VPS13B: variants seen among roughly 807,000 people sequenced by gnomAD.
VPS13B encodes the protein intermembrane lipid transfer protein VPS13B.
Under a neutral mutation model 426.4 loss-of-function variants are expected in VPS13B, and 285 were observed. The observed-to-expected ratio is 0.67, with a 90% CI of 0.61 to 0.74. VPS13B has a LOEUF of 0.74. Among genes scored for constraint, VPS13B ranks in the 30% least tolerant of loss-of-function variants. The pLI, the probability that VPS13B is intolerant of heterozygous loss-of-function variation, is 0.00. For synonymous variants in VPS13B, 1,676 were observed against 1,676.4 expected (o/e 1.00, Z 0.01); for missense variants, 4,537 against 4,782.6 (o/e 0.95, Z 1.51).
At chr8:99,144,164 G>A (rs566566959) in intron 13 of VPS13B, among the ~76,000 whole-genome samples, 139 of 152,092 alleles carry the variant, frequency 9.1e-4, no homozygotes, top group Non-Finnish European at 1.7e-3. Flanking sequence ...CACCATGTCC[G>A]CCCTGGATCC....
Position 99,819,902 on chromosome 8 carries a change from G to A in VPS13B, c.8793-19G>A. On this transcript the variant is annotated intron_variant, in intron 48 of 61. Coordinates refer to ENST00000357162, the MANE Select transcript of VPS13B (RefSeq NM_152564.5). ...TTATCATATTTCATTGAGTCTCTTG[G>A]ATGTGGTTTTTGGAACAGGAATGAA... 6.2e-7 allele frequency: 1 copy of A among 1,613,368 alleles called. No individual in the cohort carries two copies. The highest frequency in any genetic ancestry group is 8.5e-7 in the Non-Finnish European group (1 of 1,179,422).
intron 25 of VPS13B, among the ~76,000 whole-genome samples, chr8:99,483,191 AC>A (rs1397316110): frequency 6.6e-6 from 1 of 152,076 alleles, no homozygotes; most frequent in African/African-American, 2.4e-5. Flanking sequence ...CATCTATTTA[AC>A]CCCCTGTACA....
At chr8:99,299,882 C>A (rs1820266820) in intron 19 of VPS13B, among the ~76,000 whole-genome samples, 1 of 152,076 alleles carries the variant, frequency 6.6e-6, no homozygotes, top group Non-Finnish European at 1.5e-5. Flanking sequence ...TGCTCTCCAG[C>A]CTTAGTGACA....
Position 99,273,221 on chromosome 8 carries a change from C to T in VPS13B, c.2516-977C>T, listed in dbSNP as rs887004310. On this transcript the variant is annotated intron_variant, in intron 17 of 61. Coordinates refer to ENST00000357162, the MANE Select transcript of VPS13B (RefSeq NM_152564.5). Reference sequence around the variant, plus strand: ...GTCGCTAGGCTGGAGTGCAGTGGTGCGACCTCTGCTCACTGCAACCTCTGC... The same window carrying T: ...GTCGCTAGGCTGGAGTGCAGTGGTGTGACCTCTGCTCACTGCAACCTCTGC... 2.1e-5 allele frequency among the ~76,000 whole-genome samples: 3 copies of T among 145,238 alleles called. No individual in the cohort carries two copies. The Admixed American group carries it at 2.1e-4, about 10-fold the overall frequency.
intron 19 of VPS13B, among the ~76,000 whole-genome samples, chr8:99,352,968 A>C (rs1269624874): frequency 1.3e-5 from 2 of 152,078 alleles, no homozygotes; most frequent in African/African-American, 4.8e-5. Flanking sequence ...ACTTAAAAAC[A>C]AACAAAAAAC....
chr8:99,660,997 C>A (rs1282995025), intron 34 of VPS13B, among the ~76,000 whole-genome samples: 1 of 152,008 alleles, frequency 6.6e-6, no homozygotes, highest in Non-Finnish European at 1.5e-5. Flanking sequence ...ACAAGATTGT[C>A]CTTTTTTCTT....
At chr8:99,510,269 C>A (rs891416614) in intron 28 of VPS13B, among the ~76,000 whole-genome samples, 1 of 152,044 alleles carries the variant, frequency 6.6e-6, no homozygotes, top group Admixed American at 6.6e-5. Context: ...ATAAATTAGC[C>A]AAATTATTGA....
chr8:99,430,432 T>C (rs1449256565), intron 21 of VPS13B, among the ~76,000 whole-genome samples: 5 of 152,186 alleles, frequency 3.3e-5, no homozygotes, highest in Non-Finnish European at 7.3e-5. Context: ...ACATATAAAT[T>C]ATGTATTTGA....
intron 35 of VPS13B, chr8:99,697,505 A>G: frequency 1.4e-6 from 1 of 738,632 alleles, no homozygotes; most frequent in Non-Finnish European, 2.5e-6. Context: ...GAAGTCGCTC[A>G]CCAAAGAGAA....
chr8:99,746,687 G>C (rs16897642), intron 39 of VPS13B, among the ~76,000 whole-genome samples: 2,918 of 152,166 alleles, frequency 0.019, 97 homozygotes, highest in African/African-American at 0.067. Context: ...AGGTTTGGAG[G>C]GTTGTTTTAT....
chr8:99,531,414 A>T (rs78723837), intron 30 of VPS13B, among the ~76,000 whole-genome samples: 4,380 of 152,206 alleles, frequency 0.029, 85 homozygotes, highest in Non-Finnish European at 0.041. Context: ...TGTGGCTTTT[A>T]TTTATAGGAG....
intron 33 of VPS13B, among the ~76,000 whole-genome samples, chr8:99,635,719 G>A (rs1225566417): frequency 1.3e-5 from 2 of 151,842 alleles, no homozygotes; most frequent in Non-Finnish European, 2.9e-5. Context: ...GCTGACATTT[G>A]AATATGTTCA....
At chr8:99,366,161 C>A (rs1024943117) in intron 19 of VPS13B, among the ~76,000 whole-genome samples, 10 of 152,120 alleles carry the variant, frequency 6.6e-5, no homozygotes, top group African/African-American at 2.2e-4. Flanking sequence ...GATTTTCTTT[C>A]TGACAGATCT....
intron 30 of VPS13B, among the ~76,000 whole-genome samples, chr8:99,548,665 T>G (rs185118508): frequency 4.0e-4 from 61 of 152,080 alleles, no homozygotes; most frequent in Non-Finnish European, 7.7e-4. Flanking sequence ...TTTAAGTATG[T>G]ATAGGACAAA....
chr8:99,542,419 G>C (rs1216543376), intron 30 of VPS13B, among the ~76,000 whole-genome samples: 1 of 152,202 alleles, frequency 6.6e-6, no homozygotes, highest in Non-Finnish European at 1.5e-5. Context: ...GTGAGACTTT[G>C]AAGAATATGT....
rs35441676 is a variant in VPS13B at position 99,349,332 on chromosome 8, CAAAA to C, written c.2825-34856_2825-34853del. Among the ~76,000 whole-genome samples, 96 of 47,738 alleles carry C rather than the reference CAAAA, an allele frequency of 2.0e-3. No homozygotes were observed. The South Asian group carries it at 0.036, about 18-fold the overall frequency. The allele number at this position is 47,738 out of a possible 152,430, so 31.3% of individuals were successfully genotyped here. A position where few individuals can be genotyped will look rare whatever the true frequency, so the allele number is the denominator to read the frequency against. On this transcript the variant is annotated intron_variant, in intron 19 of 61. Coordinates refer to ENST00000357162, the MANE Select transcript of VPS13B (RefSeq NM_152564.5). ...TGGGCGACAGAGCGAGACTCCGTCT[CAAAA>C]AAAAAAAAAAAAAAAAAAAGAAAAT...
At chr8:99,507,055 T>G in intron 27 of VPS13B, 82 bp from the exon 28 acceptor site, 3 of 1,483,690 alleles carry the variant, frequency 2.0e-6, no homozygotes, top group Non-Finnish European at 2.8e-6. Context: ...AACTTTAGAC[T>G]TATTTGAAAT....
intron 8 of VPS13B, among the ~76,000 whole-genome samples, chr8:99,131,320 C>T (rs566121605): frequency 5.9e-5 from 9 of 152,066 alleles, no homozygotes; most frequent in South Asian, 2.1e-4. Context: ...TTTTCTGTAC[C>T]GTGATTCAAA....
At chr8:99,610,900 A>T (rs1204763822) in intron 33 of VPS13B, among the ~76,000 whole-genome samples, 1 of 152,236 alleles carries the variant, frequency 6.6e-6, no homozygotes, top group Non-Finnish European at 1.5e-5. Flanking sequence ...TAGAAAATCT[A>T]TGTGAGATAT....
Sources: allele counts gnomAD v4.1 joint callset (sites outside exome capture counted in the v4.1 genomes callset), GRCh38; gene constraint gnomAD v4.1.1; transcripts MANE v1.5; gene names NCBI Gene and HGNC (gene_info 2026-07-23, HGNC 2026-07-21).